MAPKAP1: variants seen among roughly 807,000 people sequenced by gnomAD.
MAPKAP1 encodes the protein MAPK associated protein 1.
In MAPKAP1, 20 loss-of-function variants were observed where a neutral mutation model predicts 65.7. That is an observed-to-expected ratio of 0.30 (90% CI 0.21 to 0.44). The LOEUF (loss-of-function observed/expected upper bound fraction) is 0.44, where lower values mean the gene tolerates loss of function less well. Ranked by LOEUF, MAPKAP1 falls within the 20% of genes least tolerant of loss-of-function variation. The probability of loss-of-function intolerance (pLI) is 1.00; values close to 1 mark genes in which losing one functional copy is unlikely to be tolerated. For missense variants in MAPKAP1, 423 were observed against 648.0 expected (o/e 0.65, Z 3.77); for synonymous variants, 222 against 244.3 (o/e 0.91, Z 0.85).
In MAPKAP1 at chr9:125,447,324, C is replaced by T. The variant is rs1345915214; in HGVS notation, c.1346-2726G>A. 4 of 446,548 alleles carry T rather than the reference C, an allele frequency of 9.0e-6. No homozygotes were observed. The highest frequency in any genetic ancestry group is 3.2e-5 in the South Asian group (2 of 62,852). 27.7% of individuals were successfully genotyped at this position (446,548 alleles called of 1,614,324 possible). On this transcript the variant is annotated intron_variant, in intron 10 of 11. Transcript: ENST00000265960. This position sits in a 1 kb window ranked among gnomAD's most constrained non-coding sequence, Gnocchi z 4.5. ...TTGTCCTTTCCAGTGAAAGCACTCA[C>T]GCCATAGGAGAGGGGAACAGAGGGC...
chr9:125,503,109 A>G (rs1382507232), intron 8 of MAPKAP1, among the ~76,000 whole-genome samples: 1 of 152,130 alleles, frequency 6.6e-6, no homozygotes, highest in Non-Finnish European at 1.5e-5. Context: ...CCATCCTTTT[A>G]CTTCAAACTT....
intron 7 of MAPKAP1, among the ~76,000 whole-genome samples, chr9:125,515,952 A>G (rs993129369): frequency 3.3e-5 from 5 of 152,244 alleles, no homozygotes; most frequent in Non-Finnish European, 5.9e-5. Context: ...GAAACTGAGA[A>G]GACATTTAAT....
rs1322694233 is a variant in MAPKAP1, at chr9:125,552,458, A to G, written c.848+7175T>C. Among the ~76,000 whole-genome samples, 4 of 152,244 alleles carry G rather than the reference A, an allele frequency of 2.6e-5. No individual in the cohort carries two copies. In the East Asian group the frequency reaches 7.7e-4, roughly 29 times the overall value. On this transcript the variant is annotated intron_variant, in intron 6 of 11. Transcript: ENST00000265960. ...AAAAATGTAAATAATTATAAAATAT[A>G]ATTCACAACCTTTGCATGATGGAAT...
chr9:125,519,129 C>G (rs565491298), intron 7 of MAPKAP1, among the ~76,000 whole-genome samples: 58 of 152,324 alleles, frequency 3.8e-4, no homozygotes, highest in African/African-American at 1.4e-3. Context: ...CTCACACCAT[C>G]TGGCTCCTCA....
chr9:125,628,309 A>C (rs745331969), intron 4 of MAPKAP1, among the ~76,000 whole-genome samples: 2 of 152,190 alleles, frequency 1.3e-5, no homozygotes, highest in Non-Finnish European at 2.9e-5. Context: ...GGGCAAGAAG[A>C]CAGGGCAGGT....
At chr9:125,628,029 G>C (rs1379731895) in intron 4 of MAPKAP1, among the ~76,000 whole-genome samples, 4 of 152,204 alleles carry the variant, frequency 2.6e-5, no homozygotes, top group Non-Finnish European at 4.4e-5. Context: ...GGTCTGTGGA[G>C]TTGCTGGTGT....
chr9:125,603,610 T>C (rs561079901), intron 4 of MAPKAP1, among the ~76,000 whole-genome samples: 44 of 152,358 alleles, frequency 2.9e-4, no homozygotes, highest in African/African-American at 1.0e-3. Flanking sequence ...CTTGTGTTCA[T>C]CTTGAGTCTT....
chr9:125,541,049 C>T (rs1037154894), intron 7 of MAPKAP1, among the ~76,000 whole-genome samples: 2 of 152,066 alleles, frequency 1.3e-5, no homozygotes, highest in African/African-American at 2.4e-5. Flanking sequence ...ATTAAGAAAA[C>T]GGACAGTAAT....
intron 4 of MAPKAP1, among the ~76,000 whole-genome samples, chr9:125,651,629 T>C (rs10986828): frequency 6.6e-6 from 1 of 151,868 alleles, no homozygotes; most frequent in Non-Finnish European, 1.5e-5. Flanking sequence ...AAAACAAAAG[T>C]ATGTAAATGA....
chr9:125,567,073 C>G (rs1356241749), intron 5 of MAPKAP1, among the ~76,000 whole-genome samples: 1 of 152,174 alleles, frequency 6.6e-6, no homozygotes, highest in Non-Finnish European at 1.5e-5. Context: ...TCTCCTCTGC[C>G]ACACTCTCCA....
At chr9:125,582,629 G>A (rs1200045724) in intron 5 of MAPKAP1, among the ~76,000 whole-genome samples, 1 of 152,134 alleles carries the variant, frequency 6.6e-6, no homozygotes, top group African/African-American at 2.4e-5. Flanking sequence ...TGGTTGCACT[G>A]CTCTCTCTAT....
intron 4 of MAPKAP1, among the ~76,000 whole-genome samples, chr9:125,635,460 T>A (rs1833397306): frequency 6.6e-6 from 1 of 152,266 alleles, no homozygotes; most frequent in Non-Finnish European, 1.5e-5. Flanking sequence ...ATGTTCAGGC[T>A]GATCTGGCAC....
intron 4 of MAPKAP1, among the ~76,000 whole-genome samples, chr9:125,639,136 G>A (rs537860794): frequency 6.6e-6 from 1 of 152,320 alleles, no homozygotes; most frequent in Non-Finnish European, 1.5e-5. Context: ...AGCTACTGGG[G>A]AGCATGAGGC....
Position 125,464,204 on chromosome 9 carries a change from T to TTAAAAAAAA in MAPKAP1, c.1345+3767_1345+3768insTTTTTTTTA, listed in dbSNP as rs1554805633. 1.3e-4 allele frequency among the ~76,000 whole-genome samples: 11 copies of TTAAAAAAAA among 83,330 alleles called. 2 individuals are homozygous for TTAAAAAAAA. The highest frequency in any genetic ancestry group is 1.6e-4 in the Admixed American group (1 of 6,406). 54.7% of individuals were successfully genotyped at this position (83,330 alleles called of 152,430 possible). A position where few individuals can be genotyped will look rare whatever the true frequency, so the allele number is the denominator to read the frequency against. ...CACAGTGAGACCCTGTCTCATATAT[T>TTAAAAAAAA]AAAAAAAAAAAAAAAAAAAAAAAAA... On this transcript the variant is annotated intron_variant, in intron 10 of 11. Transcript: ENST00000265960.
At chr9:125,600,302 T>C (rs1427653083) in intron 4 of MAPKAP1, among the ~76,000 whole-genome samples, 1 of 152,134 alleles carries the variant, frequency 6.6e-6, no homozygotes, top group Non-Finnish European at 1.5e-5. Flanking sequence ...TTCTTGATAC[T>C]GGCAGTTTTC....
chr9:125,473,157 T>G (rs1853983668), intron 9 of MAPKAP1, among the ~76,000 whole-genome samples: 1 of 151,772 alleles, frequency 6.6e-6, no homozygotes, highest in Non-Finnish European at 1.5e-5. Flanking sequence ...GTTGCGCTGC[T>G]GGGAAGGGCT....
At chr9:125,633,449 T>C (rs1403977355) in intron 4 of MAPKAP1, among the ~76,000 whole-genome samples, 1 of 152,186 alleles carries the variant, frequency 6.6e-6, no homozygotes, top group Non-Finnish European at 1.5e-5. Flanking sequence ...GAACACATAT[T>C]AGATTAAGCT....
chr9:125,526,928 C>A (rs1829786699), intron 7 of MAPKAP1, among the ~76,000 whole-genome samples: 1 of 151,910 alleles, frequency 6.6e-6, no homozygotes, highest in African/African-American at 2.4e-5. Flanking sequence ...CGTGTGCCAC[C>A]ACGCCCAGCT....
At chr9:125,664,367 AAAAAT>A (rs1209895407) in intron 3 of MAPKAP1, among the ~76,000 whole-genome samples, 4 of 151,726 alleles carry the variant, frequency 2.6e-5, no homozygotes, top group African/African-American at 9.7e-5. Context: ...AAAAAAAAAT[AAAAAT>A]AAAATAACAG....
Sources: allele counts gnomAD v4.1 joint callset (sites outside exome capture counted in the v4.1 genomes callset), GRCh38; gene constraint gnomAD v4.1.1; non-coding constraint Gnocchi (gnomAD v3.1); transcripts MANE v1.5; gene names NCBI Gene and HGNC (gene_info 2026-07-23, HGNC 2026-07-21).